FOXP1: variants seen among roughly 807,000 people sequenced by gnomAD.
The protein encoded by FOXP1 is forkhead box P1, also known as forkhead box protein P1.
A neutral mutation model predicts 98.2 loss-of-function variants in FOXP1; 15 were observed. The observed-to-expected ratio is 0.15, with a 90% CI of 0.10 to 0.24. FOXP1 has a LOEUF of 0.24. Ranked by LOEUF, FOXP1 falls within the 10% of genes least tolerant of loss-of-function variation. The pLI is 1.00. For missense variants in FOXP1, 633 were observed against 848.5 expected, an observed-to-expected ratio of 0.75 and a Z score of 3.15; for synonymous variants, 371 against 314.5, an observed-to-expected ratio of 1.18 and a Z score of -1.90.
At chr3:71,365,601 G>A (rs75698729) in intron 3 of FOXP1, among the ~76,000 whole-genome samples, 3,573 of 152,288 alleles carry the variant, frequency 0.023, 78 homozygotes, top group South Asian at 0.11. Flanking sequence ...GATGTCACTG[G>A]AAGAGTGAGA....
chr3:71,475,399 A>T (rs2089741018), intron 3 of FOXP1, among the ~76,000 whole-genome samples: 1 of 152,168 alleles, frequency 6.6e-6, no homozygotes, highest in South Asian at 2.1e-4. Flanking sequence ...CCTCCATGGC[A>T]ATCGGGGAAA....
intron 17 of FOXP1, among the ~76,000 whole-genome samples, chr3:70,974,930 C>T (rs2037174142): frequency 6.6e-6 from 1 of 152,106 alleles, no homozygotes; most frequent in Non-Finnish European, 1.5e-5. Flanking sequence ...TCCAAAACTG[C>T]ACATCTAAGC....
intron 3 of FOXP1, among the ~76,000 whole-genome samples, chr3:71,443,157 G>C (rs1446060307): frequency 3.3e-5 from 5 of 152,164 alleles, no homozygotes; most frequent in African/African-American, 1.2e-4. Context: ...GCCTCCCAAA[G>C]TGCTGGAATC....
intron 12 of FOXP1, among the ~76,000 whole-genome samples, chr3:71,008,358 T>G (rs2043070327): frequency 6.6e-6 from 1 of 152,080 alleles, no homozygotes; most frequent in Non-Finnish European, 1.5e-5. Context: ...TCACCTGGTT[T>G]GAAAAGAAGA....
At chr3:71,359,655 C>T (rs1214525465) in intron 3 of FOXP1, among the ~76,000 whole-genome samples, 1 of 152,126 alleles carries the variant, frequency 6.6e-6, no homozygotes, top group Admixed American at 6.5e-5. Context: ...TCAAGCGCTC[C>T]CAAGTACCTT....
chr3:71,203,473 G>A (rs988615946), intron 5 of FOXP1, among the ~76,000 whole-genome samples: 1 of 152,164 alleles, frequency 6.6e-6, no homozygotes, highest in Non-Finnish European at 1.5e-5. Context: ...AATTAAAGCT[G>A]TGCTTTATTA....
chr3:71,171,796 G>A (rs1413639599), intron 6 of FOXP1, among the ~76,000 whole-genome samples: 3 of 152,198 alleles, frequency 2.0e-5, no homozygotes, highest in Admixed American at 1.3e-4. Flanking sequence ...TCTGGGCCAG[G>A]CCTCTGCATT....
chr3:71,255,543 C>T (rs901492325), intron 5 of FOXP1, among the ~76,000 whole-genome samples: 1 of 152,112 alleles, frequency 6.6e-6, no homozygotes, highest in Non-Finnish European at 1.5e-5. Context: ...ATGCCTAGGT[C>T]ATTTACTGGT....
At chr3:71,330,337 A>G (rs747983254) in intron 4 of FOXP1, among the ~76,000 whole-genome samples, 1 of 152,258 alleles carries the variant, frequency 6.6e-6, no homozygotes, top group Non-Finnish European at 1.5e-5. Context: ...AATTCATTAC[A>G]TATAAAATAT....
chr3:71,132,996 A>G (rs2059646519), intron 6 of FOXP1, among the ~76,000 whole-genome samples: 1 of 148,690 alleles, frequency 6.7e-6, no homozygotes, highest in South Asian at 2.1e-4. Context: ...AAAAAAAAGC[A>G]AGCAAACATA....
At chr3:71,236,028 A>G (rs2066744473) in intron 5 of FOXP1, among the ~76,000 whole-genome samples, 2 of 152,232 alleles carry the variant, frequency 1.3e-5, no homozygotes, top group African/African-American at 4.8e-5. Flanking sequence ...GCATGTAACA[A>G]TTCTTGCAAA....
intron 3 of FOXP1, among the ~76,000 whole-genome samples, chr3:71,422,019 T>C (rs1287300945): frequency 6.6e-6 from 1 of 152,206 alleles, no homozygotes; most frequent in Non-Finnish European, 1.5e-5. Flanking sequence ...AGCCCAACTT[T>C]TTAAGACAGT....
At chr3:71,404,937 G>A (rs1024550189) in intron 3 of FOXP1, among the ~76,000 whole-genome samples, 9 of 152,168 alleles carry the variant, frequency 5.9e-5, no homozygotes, top group African/African-American at 2.2e-4. Flanking sequence ...CCTGATGGCA[G>A]GCAACAGGGC....
chr3:71,500,784 A>C (rs2041278264), intron 2 of FOXP1, among the ~76,000 whole-genome samples: 1 of 152,158 alleles, frequency 6.6e-6, no homozygotes, highest in African/African-American at 2.4e-5. Flanking sequence ...ACCCTCAAGG[A>C]AAGTACCATC....
chr3:71,578,878 A>G (rs537062648), intron 2 of FOXP1, among the ~76,000 whole-genome samples: 9 of 152,366 alleles, frequency 5.9e-5, no homozygotes, highest in Admixed American at 1.3e-4. Flanking sequence ...TTTTGCTATT[A>G]TAAGTATAAA....
At chr3:71,202,053 G>C (rs2063712563) in intron 5 of FOXP1, among the ~76,000 whole-genome samples, 1 of 152,172 alleles carries the variant, frequency 6.6e-6, no homozygotes. Context: ...TTGTTTCCTT[G>C]GTGAGACACC....
chr3:71,198,273 A>T lies in FOXP1; in HGVS notation c.109T>A (p.Ser37Thr), dbSNP rs1247696224. 1.9e-6 allele frequency: 3 copies of T among 1,613,922 alleles called. No homozygotes were observed. The highest frequency in any genetic ancestry group is 1.6e-4 in the Middle Eastern group (1 of 6,084). Residue 37 changes from serine to threonine, a missense_variant, in exon 6 of 21, where the codon TCC becomes ACC. Around this residue, in one of 6 missense-constraint regions of FOXP1, gnomAD observed 103 missense variants for 85.5 expected, o/e 1.20. Coordinates refer to ENST00000649528, the MANE Select transcript of FOXP1 (RefSeq NM_001349338.3). ...TCCACGGCCGGCGTCTCTCCGTTGG[A>T]CCGCCCCTCCCGAAGACCGCCGCAC... ...LECGGLREGR[S>T]NGETPAVDIG...
At chr3:71,313,515 A>G (rs2074851782) in intron 4 of FOXP1, among the ~76,000 whole-genome samples, 1 of 151,738 alleles carries the variant, frequency 6.6e-6, no homozygotes, top group African/African-American at 2.4e-5. Flanking sequence ...GTACAGATCG[A>G]GTATCTGCAT....
chr3:71,569,656 CAT>C (rs1397961667), intron 2 of FOXP1, among the ~76,000 whole-genome samples: 18 of 152,118 alleles, frequency 1.2e-4, no homozygotes, highest in East Asian at 7.7e-4. Flanking sequence ...CACACATACA[CAT>C]AGAGAGAGAG....
Sources: allele counts gnomAD v4.1 joint callset (sites outside exome capture counted in the v4.1 genomes callset), GRCh38; gene constraint gnomAD v4.1.1; regional missense constraint gnomAD v4.1.1; transcripts MANE v1.5; gene names NCBI Gene and HGNC (gene_info 2026-07-23, HGNC 2026-07-21).